FBXL17: variants seen among roughly 807,000 people sequenced by gnomAD.
The protein encoded by FBXL17 is F-box/LRR-repeat protein 17.
Under a neutral mutation model 66.2 loss-of-function variants are expected in FBXL17, and 22 were observed. That is an observed-to-expected ratio of 0.33 (90% CI 0.24 to 0.47). The LOEUF (loss-of-function observed/expected upper bound fraction) is 0.47. Ranked by LOEUF, FBXL17 falls within the 20% of genes least tolerant of loss-of-function variation. The pLI is 1.00. For missense variants in FBXL17, 878 were observed against 948.2 expected (o/e 0.93, Z 0.97); for synonymous variants, 474 against 400.5 (o/e 1.18, Z -2.19).
intron 6 of FBXL17, among the ~76,000 whole-genome samples, chr5:108,093,471 T>C (rs1749261661): frequency 6.6e-6 from 1 of 152,158 alleles, no homozygotes; most frequent in South Asian, 2.1e-4. Context: ...AAACGATTAC[T>C]ACTAAAGAAG....
chr5:108,138,501 A>G (rs1252759007), intron 6 of FBXL17, among the ~76,000 whole-genome samples: 1 of 152,218 alleles, frequency 6.6e-6, no homozygotes, highest in Non-Finnish European at 1.5e-5. Flanking sequence ...ATTATTCAAG[A>G]GATAAACATC....
intron 4 of FBXL17, among the ~76,000 whole-genome samples, chr5:108,328,987 G>A (rs1759992769): frequency 6.6e-6 from 1 of 152,070 alleles, no homozygotes; most frequent in Non-Finnish European, 1.5e-5. Context: ...CTAAGAGACA[G>A]AGGTAATTAT....
At chr5:108,109,085 G>GACTCACACT (rs1013093851) in intron 6 of FBXL17, among the ~76,000 whole-genome samples, 2 of 152,056 alleles carry the variant, frequency 1.3e-5, no homozygotes, top group African/African-American at 4.8e-5. Flanking sequence ...GCCCAGCCAA[G>GACTCACACT]ACTCACACTT....
chr5:108,088,855 C>T (rs1186231631), intron 6 of FBXL17, among the ~76,000 whole-genome samples: 1 of 151,098 alleles, frequency 6.6e-6, no homozygotes, highest in Non-Finnish European at 1.5e-5. Context: ...ATTACTAATA[C>T]ACAGATAAGC....
chr5:108,008,268 A>C (rs571663381), intron 7 of FBXL17, among the ~76,000 whole-genome samples: 1 of 152,338 alleles, frequency 6.6e-6, no homozygotes, highest in Admixed American at 6.5e-5. Context: ...ATATCACTTA[A>C]TCTGTTCCAA....
chr5:107,879,411 C>T, intron 8 of FBXL17: 6 of 985,400 alleles, frequency 6.1e-6, no homozygotes, highest in Non-Finnish European at 6.0e-6. Context: ...TTAGCAGCGG[C>T]ATTAGGTTGG....
At chr5:108,182,077 C>G (rs1472625821) in intron 6 of FBXL17, among the ~76,000 whole-genome samples, 1 of 152,142 alleles carries the variant, frequency 6.6e-6, no homozygotes, top group East Asian at 1.9e-4. Flanking sequence ...CCCCTCGATC[C>G]TTACAAGGCT....
intron 6 of FBXL17, among the ~76,000 whole-genome samples, chr5:108,177,932 T>TATATATATATATATACAC (rs1242739302): frequency 4.5e-4 from 57 of 126,868 alleles, no homozygotes; most frequent in East Asian, 1.9e-3. Flanking sequence ...TATATATATA[T>TATATATATATATATACAC]ACACACACAC....
chr5:108,098,191 T>C (rs983454451), intron 6 of FBXL17, among the ~76,000 whole-genome samples: 2 of 152,168 alleles, frequency 1.3e-5, no homozygotes, highest in African/African-American at 4.8e-5. Flanking sequence ...GGCTATCATA[T>C]ACTGCAAAGA....
chr5:108,020,094 C>T (rs1754531863), intron 7 of FBXL17, among the ~76,000 whole-genome samples: 1 of 151,682 alleles, frequency 6.6e-6, no homozygotes. Flanking sequence ...TATGTCAGAG[C>T]TAACAATAAA....
At chr5:108,159,700 C>G (rs1377301112) in intron 6 of FBXL17, among the ~76,000 whole-genome samples, 2 of 152,100 alleles carry the variant, frequency 1.3e-5, no homozygotes, top group African/African-American at 4.8e-5. Flanking sequence ...TTATAGCAAC[C>G]TGAATAGACT....
At position 108,009,302 on chromosome 5, in the gene FBXL17, CAT is replaced by C. The variant is rs369986632; in HGVS notation, c.1822+11621_1822+11622del. ...ATATATATATATATATATATATATACATATATACATACACATATAGTTTTGCT... is the reference window on the plus strand; with the variant it reads ...ATATATATATATATATATATATATACATATACATACACATATAGTTTTGCT... On this transcript the variant is annotated intron_variant, in intron 7 of 8. Coordinates refer to ENST00000542267, the MANE Select transcript of FBXL17 (RefSeq NM_001163315.3). 9.6e-4 allele frequency among the ~76,000 whole-genome samples: 32 copies of C among 33,174 alleles called. 7 individuals carry two copies. The highest frequency in any genetic ancestry group is 2.6e-3 in the African/African-American group (29 of 11,014). The allele number at this position is 33,174 out of a possible 152,430, so 21.8% of individuals were successfully genotyped here. A position where few individuals can be genotyped will look rare whatever the true frequency, so the allele number is the denominator to read the frequency against.
At position 108,196,363 on chromosome 5, in the gene FBXL17, G is replaced by A. The variant is rs535246086; in HGVS notation, c.1615-10116C>T. 1.6e-4 allele frequency among the ~76,000 whole-genome samples: 24 copies of A among 152,238 alleles called. No individual in the cohort carries two copies. In the South Asian group the frequency reaches 5.0e-3, roughly 32 times the overall value. On this transcript the variant is annotated intron_variant, in intron 5 of 8. Transcript: ENST00000542267. ...AGCCCCAGTGTATGTCCTCTGTAAA[G>A]CTACCTGGGATGCCAGCATTCAGAG...
At chr5:107,887,779 C>T (rs1408490317) in intron 7 of FBXL17, among the ~76,000 whole-genome samples, 6 of 152,122 alleles carry the variant, frequency 3.9e-5, no homozygotes, top group Admixed American at 3.3e-4. Flanking sequence ...AAAGTACAGA[C>T]GCCTGAGTCC....
chr5:108,093,857 A>G (rs2149932959), intron 6 of FBXL17, among the ~76,000 whole-genome samples: 1 of 152,284 alleles, frequency 6.6e-6, no homozygotes, highest in South Asian at 2.1e-4. Context: ...ATGTACAAAG[A>G]AACAGTGTGA....
At chr5:107,889,060 G>T (rs551206372) in intron 7 of FBXL17, among the ~76,000 whole-genome samples, 1 of 152,066 alleles carries the variant, frequency 6.6e-6, no homozygotes, top group Non-Finnish European at 1.5e-5. Context: ...ACCTTCTCGT[G>T]GGTTTTAATT....
At chr5:108,123,407 G>A (rs1007330552) in intron 6 of FBXL17, among the ~76,000 whole-genome samples, 3 of 152,120 alleles carry the variant, frequency 2.0e-5, no homozygotes, top group South Asian at 4.1e-4. Flanking sequence ...AACCATGTGT[G>A]CAAGCCAATT....
At chr5:108,309,113 G>T (rs1189940198) in intron 4 of FBXL17, among the ~76,000 whole-genome samples, 1 of 151,958 alleles carries the variant, frequency 6.6e-6, no homozygotes, top group African/African-American at 2.4e-5. Flanking sequence ...TAATTAATTG[G>T]TCATATAGAC....
At chr5:108,067,799 C>T (rs1402817641) in intron 6 of FBXL17, among the ~76,000 whole-genome samples, 2 of 152,158 alleles carry the variant, frequency 1.3e-5, no homozygotes, top group Non-Finnish European at 2.9e-5. Flanking sequence ...ACTGATTCAA[C>T]ATTTGGACAA....
Sources: allele counts gnomAD v4.1 joint callset (sites outside exome capture counted in the v4.1 genomes callset), GRCh38; gene constraint gnomAD v4.1.1; transcripts MANE v1.5; gene names NCBI Gene and HGNC (gene_info 2026-07-23, HGNC 2026-07-21).